Variants in PRKG1 observed in about 807,000 individuals in gnomAD.
PRKG1 encodes protein kinase cGMP-dependent 1, also known as cGMP-dependent protein kinase 1.
In PRKG1, 35 loss-of-function variants were observed where a neutral mutation model predicts 88.1. The ratio of observed to expected loss-of-function variants is 0.40; its 90% CI spans 0.30 to 0.53. The LOEUF (loss-of-function observed/expected upper bound fraction) is 0.53. PRKG1 is among the 20% of genes least tolerant of loss of function. The pLI, the probability that PRKG1 is intolerant of heterozygous loss-of-function variation, is 0.59. For missense variants in PRKG1, 540 were observed against 839.8 expected (o/e 0.64, Z 4.41); for synonymous variants, 303 against 292.5 (o/e 1.04, Z -0.37).
chr10:51,182,144 T>C (rs1646369451), intron 2 of PRKG1, among the ~76,000 whole-genome samples: 1 of 152,210 alleles, frequency 6.6e-6, no homozygotes, highest in African/African-American at 2.4e-5. Flanking sequence ...ACCAGTCCTT[T>C]GAGCTGGCTA....
intron 1 of PRKG1, among the ~76,000 whole-genome samples, chr10:51,152,759 G>T (rs1310845126): frequency 6.6e-6 from 1 of 151,832 alleles, no homozygotes; most frequent in Non-Finnish European, 1.5e-5. Flanking sequence ...AATATAAACA[G>T]TAGTAATAGT....
At chr10:51,909,662 T>G (rs1299864484) in intron 5 of PRKG1, 2 of 152,176 alleles carry the variant, frequency 1.3e-5, no homozygotes, top group Non-Finnish European at 2.9e-5. Flanking sequence ...CTTGACTGAT[T>G]CTTCACATTT....
chr10:51,083,800 A>G (rs1844177515), intron 1 of PRKG1, among the ~76,000 whole-genome samples: 3 of 152,230 alleles, frequency 2.0e-5, no homozygotes, highest in East Asian at 1.9e-4. Flanking sequence ...TGCTGCCCCT[A>G]TTGCCAGCTC....
intron 5 of PRKG1, among the ~76,000 whole-genome samples, chr10:51,943,533 G>C (rs1401034199): frequency 6.6e-6 from 1 of 152,022 alleles, no homozygotes; most frequent in Non-Finnish European, 1.5e-5. Flanking sequence ...TCTTATGCCA[G>C]TTTTCAAAGG....
At chr10:52,012,919 T>G (rs1844930300) in intron 5 of PRKG1, among the ~76,000 whole-genome samples, 1 of 152,206 alleles carries the variant, frequency 6.6e-6, no homozygotes, top group African/African-American at 2.4e-5. Context: ...TATACTAGTA[T>G]TATTACTTCC....
chr10:51,541,707 A>G (rs1375128649), intron 3 of PRKG1, among the ~76,000 whole-genome samples: 1 of 152,126 alleles, frequency 6.6e-6, no homozygotes, highest in African/African-American at 2.4e-5. Context: ...AATTGCTTAA[A>G]AGGAAAGATA....
chr10:51,968,494 C>T (rs549852484), intron 5 of PRKG1, among the ~76,000 whole-genome samples: 1 of 151,944 alleles, frequency 6.6e-6, no homozygotes, highest in Non-Finnish European at 1.5e-5. Context: ...CCTGTGTGTG[C>T]TGAGTGGCGA....
intron 1 of PRKG1, among the ~76,000 whole-genome samples, chr10:51,097,973 G>A (rs1844579770): frequency 6.6e-6 from 1 of 152,010 alleles, no homozygotes; most frequent in African/African-American, 2.4e-5. Flanking sequence ...TTCTTTTCGT[G>A]GGAAGTATCA....
At chr10:51,432,395 G>A (rs545540250) in intron 2 of PRKG1, among the ~76,000 whole-genome samples, 4 of 151,566 alleles carry the variant, frequency 2.6e-5, no homozygotes, top group Non-Finnish European at 5.9e-5. Flanking sequence ...CTACTTTCAG[G>A]TATTTGTAAA....
chr10:51,320,527 T>A (rs1841428896), intron 2 of PRKG1: 1 of 152,864 alleles, frequency 6.5e-6, no homozygotes, highest in Admixed American at 6.5e-5. Context: ...GTCCTGTGTG[T>A]CTGAATGTGT....
intron 3 of PRKG1, among the ~76,000 whole-genome samples, chr10:51,673,063 C>T (rs1840623813): frequency 6.6e-6 from 1 of 152,114 alleles, no homozygotes; most frequent in South Asian, 2.1e-4. Context: ...TAAAAAACCT[C>T]CAGAGCCATC....
intron 8 of PRKG1, among the ~76,000 whole-genome samples, chr10:52,161,464 T>C (rs1838274003): frequency 6.6e-6 from 1 of 152,078 alleles, no homozygotes; most frequent in Non-Finnish European, 1.5e-5. Context: ...TTGTAATTAA[T>C]ATATGTTACT....
intron 3 of PRKG1, among the ~76,000 whole-genome samples, chr10:51,648,904 G>A (rs879019443): frequency 6.6e-6 from 1 of 152,076 alleles, no homozygotes; most frequent in Admixed American, 6.6e-5. Flanking sequence ...TATGTCCACA[G>A]CAAGAATGCC....
chr10:51,339,989 A>T (rs979972778), intron 2 of PRKG1, among the ~76,000 whole-genome samples: 3 of 152,136 alleles, frequency 2.0e-5, no homozygotes, highest in Non-Finnish European at 4.4e-5. Flanking sequence ...TCACCAACTT[A>T]TACTTCCATC....
chr10:51,838,155 A>G (rs776622925), intron 4 of PRKG1, among the ~76,000 whole-genome samples: 5 of 152,210 alleles, frequency 3.3e-5, no homozygotes, highest in Non-Finnish European at 7.4e-5. Flanking sequence ...ACATACAGCT[A>G]ATAATTAGGC....
At chr10:52,098,746 GA>G (rs1847230472) in intron 7 of PRKG1, among the ~76,000 whole-genome samples, 1 of 152,202 alleles carries the variant, frequency 6.6e-6, no homozygotes, top group African/African-American at 2.4e-5. Context: ...AATTTGGGAA[GA>G]ATAGCTGATA....
At chr10:51,094,730 T>C (rs1476723332) in intron 1 of PRKG1, among the ~76,000 whole-genome samples, 2 of 152,130 alleles carry the variant, frequency 1.3e-5, no homozygotes, top group African/African-American at 4.8e-5. Flanking sequence ...GTGGCCAAAT[T>C]AGGTTGGGTT....
intron 3 of PRKG1, among the ~76,000 whole-genome samples, chr10:51,765,883 A>C (rs10999341): frequency 6.7e-6 from 1 of 149,840 alleles, no homozygotes; most frequent in Non-Finnish European, 1.5e-5. Flanking sequence ...TATCACAGGC[A>C]GGCTGGCTTA....
At chr10:51,983,098 G>C (rs1269469930) in intron 5 of PRKG1, among the ~76,000 whole-genome samples, 2 of 152,110 alleles carry the variant, frequency 1.3e-5, no homozygotes, top group Non-Finnish European at 2.9e-5. Context: ...GGAGGGGGTT[G>C]GTCGGCTGTT....
Sources: allele counts gnomAD v4.1 joint callset (sites outside exome capture counted in the v4.1 genomes callset), GRCh38; gene constraint gnomAD v4.1.1; transcripts MANE v1.5; gene names NCBI Gene and HGNC (gene_info 2026-07-23, HGNC 2026-07-21).